Variants in MINAR1 observed in about 807,000 individuals in gnomAD.
MINAR1 encodes membrane integral NOTCH2 associated receptor 1.
A neutral mutation model predicts 65.1 loss-of-function variants in MINAR1; 40 were observed. That is an observed-to-expected ratio of 0.61 (90% CI 0.48 to 0.80). The LOEUF is 0.80. MINAR1 is among the 30% of genes least tolerant of loss of function. The probability of loss-of-function intolerance (pLI) is 0.00; values close to 1 mark genes in which losing one functional copy is unlikely to be tolerated. For missense variants in MINAR1, 1,128 were observed against 1,148.0 expected, an observed-to-expected ratio of 0.98 and a Z score of 0.25; for synonymous variants, 482 against 449.1, an observed-to-expected ratio of 1.07 and a Z score of -0.93.
chr15:79,425,210 T>C, the MINAR1 span: 1 of 152,162 alleles, frequency 6.6e-6, no homozygotes, highest in Non-Finnish European at 1.5e-5. Context: ...CGACTAATTT[T>C]TGTATTTTTA....
chr15:79,465,104 G>C (rs528652358), intron 3 of MINAR1, among the ~76,000 whole-genome samples: 1 of 152,132 alleles, frequency 6.6e-6, no homozygotes, highest in Non-Finnish European at 1.5e-5. Flanking sequence ...ATAGATATTG[G>C]GGTTACAGAG....
chr15:79,439,816 C>T (rs934136505), intron 1 of MINAR1, among the ~76,000 whole-genome samples: 2 of 151,902 alleles, frequency 1.3e-5, no homozygotes, highest in Admixed American at 6.6e-5. Context: ...ATTCTGAAGA[C>T]GCTCAGCAGG....
At chr15:79,433,268 C>T (rs563203668) in intron 1 of MINAR1, among the ~76,000 whole-genome samples, 2 of 152,248 alleles carry the variant, frequency 1.3e-5, no homozygotes, top group Admixed American at 1.3e-4. Flanking sequence ...GTGCGGGGAG[C>T]GTAACATTTG....
Position 79,458,389 on chromosome 15 carries a change from G to A in MINAR1, c.2242G>A (p.Glu748Lys). 1 of 1,614,190 alleles carries A rather than the reference G, an allele frequency of 6.2e-7. No homozygotes were observed. The highest frequency in any genetic ancestry group is 8.5e-7 in the Non-Finnish European group (1 of 1,180,028). ...CAACCGTGTGGGCCTCAATGAGGAG[G>A]AGATAAAAGACACAGGCCCAGGAGA... ...YTNRVGLNEE[E>K]IKDTGPGDNK... The change falls in exon 2 of 4, where the codon GAG becomes AAG. Residue 748 changes from glutamate to lysine, a missense_variant. Coordinates refer to ENST00000305428, the MANE Select transcript of MINAR1 (RefSeq NM_015206.3).
At chr15:79,428,557 C>A (rs1290774706), upstream of MINAR1, among the ~76,000 whole-genome samples, 8 of 149,278 alleles carry the variant, frequency 5.4e-5, no homozygotes, top group Admixed American at 5.4e-4. Context: ...TTTCTTTCAG[C>A]CTGCCATTTT....
At chr15:79,417,972 C>T in the MINAR1 span, 23 of 152,192 alleles carry the variant, frequency 1.5e-4, no homozygotes, top group African/African-American at 5.3e-4. Context: ...TTTTACGAAG[C>T]GAAGATAAAC....
intron 1 of MINAR1, among the ~76,000 whole-genome samples, chr15:79,442,153 C>T (rs1284092010): frequency 6.7e-6 from 1 of 149,872 alleles, no homozygotes; most frequent in East Asian, 1.9e-4. Flanking sequence ...ATTTTGGGAT[C>T]TTGTGTGGAA....
intron 1 of MINAR1, among the ~76,000 whole-genome samples, chr15:79,451,488 A>G (rs907434750): frequency 1.3e-5 from 2 of 152,054 alleles, no homozygotes; most frequent in African/African-American, 4.8e-5. Flanking sequence ...GCAGGCCTCC[A>G]AGCAGACGGG....
chr15:79,432,733 G>A (rs952677014), intron 1 of MINAR1, among the ~76,000 whole-genome samples, 193 bp downstream of exon 1: 1 of 152,238 alleles, frequency 6.6e-6, no homozygotes, highest in African/African-American at 2.4e-5. Flanking sequence ...GGCCCTTGTC[G>A]CTGCGCTCAG....
chr15:79,430,426 A>G (rs571279185), upstream of MINAR1, among the ~76,000 whole-genome samples: 110 of 152,278 alleles, frequency 7.2e-4, no homozygotes, highest in African/African-American at 2.0e-3. Flanking sequence ...TGTGGATTCA[A>G]CTGTTCTCGG....
chr15:79,468,284 T>C lies in MINAR1; in HGVS notation c.2651T>C (p.Phe884Ser). The C allele has an allele frequency of 6.2e-7, 1 of 1,614,126 alleles. No homozygotes were observed. Among genetic ancestry groups the C allele is most frequent in the Non-Finnish European group, 8.5e-7 (1 of 1,180,004 alleles). Residue 884 changes from phenylalanine (F) to serine (S), a missense_variant, in exon 4 of 4, where the codon TTC becomes TCC. Coordinates refer to ENST00000305428, the MANE Select transcript of MINAR1 (RefSeq NM_015206.3). ...TTACTAAAACGTAAAGAAGCCGAATTCAGACGAGCCAAGGTCTGCAAGATA... is the reference window on the plus strand; with the variant it reads ...TTACTAAAACGTAAAGAAGCCGAATCCAGACGAGCCAAGGTCTGCAAGATA... ...DSLLKRKEAE[F>S]RRAKVCKIAA...
At chr15:79,431,617 G>A (rs1448526208), upstream of MINAR1, among the ~76,000 whole-genome samples, 1 of 152,208 alleles carries the variant, frequency 6.6e-6, no homozygotes, top group Non-Finnish European at 1.5e-5. Flanking sequence ...TGAGTGAAGT[G>A]ACCACTTGGC....
the MINAR1 span, chr15:79,415,057 C>T: frequency 6.6e-6 from 1 of 152,220 alleles, no homozygotes; most frequent in Non-Finnish European, 1.5e-5. Flanking sequence ...AAGGAATAAA[C>T]AGTGATGCTG....
intron 1 of MINAR1, among the ~76,000 whole-genome samples, chr15:79,444,630 T>C (rs1213906202): frequency 6.6e-6 from 1 of 152,118 alleles, no homozygotes; most frequent in African/African-American, 2.4e-5. Context: ...AGTATTTTCA[T>C]TACATTTAAT....
intron 1 of MINAR1, among the ~76,000 whole-genome samples, chr15:79,443,607 C>T (rs1390221024): frequency 6.6e-6 from 1 of 152,074 alleles, no homozygotes; most frequent in Non-Finnish European, 1.5e-5. Context: ...TATGATAGAT[C>T]CATTCACAAC....
rs139785086 is a variant in MINAR1, at chr15:79,472,151, T to TATG, written c.*3768_*3770dup. The TATG allele has an allele frequency of 0.047, 7,155 of 152,734 alleles. 185 individuals carry two copies. Among genetic ancestry groups the TATG allele is most frequent in the Middle Eastern group, 0.058 (17 of 294 alleles). 9.5% of individuals were successfully genotyped at this position (152,734 alleles called of 1,614,324 possible). On this transcript the variant is annotated 3_prime_UTR_variant, in exon 4 of 4. Transcript: ENST00000305428. ...CACACTCTTGGTGCTTGATAAATGT[T>TATG]ATGTTATATAATACCAATAACTAAG...
At chr15:79,441,827 A>G (rs1464356833) in intron 1 of MINAR1, among the ~76,000 whole-genome samples, 1 of 145,210 alleles carries the variant, frequency 6.9e-6, no homozygotes, top group African/African-American at 2.9e-5. Flanking sequence ...TTTTCCACTT[A>G]GAAAGAAAAC....
intron 1 of MINAR1, among the ~76,000 whole-genome samples, chr15:79,441,968 GTTCATTA>G (rs1894881903): frequency 6.7e-6 from 1 of 149,268 alleles, no homozygotes; most frequent in South Asian, 2.1e-4. Flanking sequence ...TCTTTGAATT[GTTCATTA>G]TTTCATATAC....
intron 1 of MINAR1, among the ~76,000 whole-genome samples, chr15:79,441,694 C>G (rs1157113318): frequency 6.6e-6 from 1 of 152,064 alleles, no homozygotes; most frequent in Non-Finnish European, 1.5e-5. Context: ...CCTATTTTCC[C>G]TCATTCTCCC....
Sources: allele counts gnomAD v4.1 joint callset (sites outside exome capture counted in the v4.1 genomes callset), GRCh38; gene constraint gnomAD v4.1.1; transcripts MANE v1.5; gene names NCBI Gene and HGNC (gene_info 2026-07-23, HGNC 2026-07-21).